DAPK1: variants seen among roughly 807,000 people sequenced by gnomAD.
The protein encoded by DAPK1 is death-associated protein kinase 1.
A neutral mutation model predicts 144.9 loss-of-function variants in DAPK1; 56 were observed. That is an observed-to-expected ratio of 0.39 (90% CI 0.31 to 0.48). DAPK1 has a LOEUF of 0.48. DAPK1 is among the 20% of genes least tolerant of loss of function. The probability of loss-of-function intolerance (pLI) is 0.95; values close to 1 mark genes in which losing one functional copy is unlikely to be tolerated. For synonymous variants in DAPK1, 690 were observed against 749.0 expected, an observed-to-expected ratio of 0.92 and a Z score of 1.29; for missense variants, 1,454 against 1,875.4, an observed-to-expected ratio of 0.78 and a Z score of 4.15.
intron 2 of DAPK1, among the ~76,000 whole-genome samples, chr9:87,526,915 A>G (rs952789143): frequency 6.6e-6 from 1 of 152,140 alleles, no homozygotes; most frequent in Non-Finnish European, 1.5e-5. Flanking sequence ...AACCATCCCC[A>G]TATGCTGTTT....
intron 17 of DAPK1, chr9:87,657,818 A>G: frequency 1.8e-6 from 1 of 569,456 alleles, no homozygotes; most frequent in South Asian, 2.0e-5. Context: ...TTGAAGTTGT[A>G]TTTTGAAGCT....
At chr9:87,617,530 C>G (rs1178963201) in intron 3 of DAPK1, among the ~76,000 whole-genome samples, 1 of 152,206 alleles carries the variant, frequency 6.6e-6, no homozygotes, top group East Asian at 1.9e-4. Context: ...ACTCCCTTCT[C>G]TTCCTTGACT....
intron 4 of DAPK1, 35 bp downstream of exon 4, chr9:87,638,116 T>A (rs746886297): frequency 1.3e-6 from 2 of 1,578,508 alleles, no homozygotes; most frequent in Admixed American, 3.5e-5. Context: ...TAGAAGCTTG[T>A]GCAGATCACA....
chr9:87,693,368 G>T (rs771542959), intron 21 of DAPK1, among the ~76,000 whole-genome samples: 3 of 151,204 alleles, frequency 2.0e-5, no homozygotes, highest in African/African-American at 4.9e-5. Context: ...TATTGTTGCA[G>T]CTTTTGAATA....
intron 2 of DAPK1, among the ~76,000 whole-genome samples, chr9:87,546,184 C>G (rs1451607677): frequency 6.6e-6 from 1 of 152,096 alleles, no homozygotes; most frequent in Non-Finnish European, 1.5e-5. Flanking sequence ...GCTTACAGAT[C>G]TGGGAGATGA....
chr9:87,527,744 T>C lies in DAPK1; in HGVS notation c.62+28605T>C, dbSNP rs539012513. On this transcript the variant is annotated intron_variant, in intron 2 of 25. Coordinates refer to ENST00000408954, the MANE Select transcript of DAPK1 (RefSeq NM_004938.4). The stretch of plus-strand genomic sequence containing the variant: ...ACTGAGCTTCTTTCTGAACTGTTAC[T>C]GGCCGGATTATTGGGACTATTCCCA... Among the ~76,000 whole-genome samples the C allele has an allele frequency of 2.0e-5, 3 of 152,368 alleles. No homozygotes were observed. In the East Asian group the frequency reaches 5.8e-4, roughly 29 times the overall value.
At chr9:87,665,010 T>A (rs986705828) in intron 18 of DAPK1, among the ~76,000 whole-genome samples, 1 of 152,236 alleles carries the variant, frequency 6.6e-6, no homozygotes, top group Non-Finnish European at 1.5e-5. Flanking sequence ...GGTATCCATG[T>A]GATTTGGTCT....
chr9:87,573,626 A>C (rs992089485), intron 2 of DAPK1, among the ~76,000 whole-genome samples: 3 of 152,180 alleles, frequency 2.0e-5, no homozygotes, highest in Admixed American at 2.0e-4. Context: ...AGACTTCTGG[A>C]AGAAGAAAGT....
intron 2 of DAPK1, among the ~76,000 whole-genome samples, chr9:87,602,493 C>A (rs1828558591): frequency 6.6e-6 from 1 of 152,206 alleles, no homozygotes; most frequent in Non-Finnish European, 1.5e-5. Context: ...CCTTTACTTA[C>A]CATCTTCCCA....
chr9:87,563,635 A>T (rs1184244280), intron 2 of DAPK1, among the ~76,000 whole-genome samples: 2 of 152,202 alleles, frequency 1.3e-5, no homozygotes, highest in Admixed American at 6.5e-5. Flanking sequence ...CTGGAGGATA[A>T]GAGGCCATGT....
At chr9:87,508,571 T>G (rs1008804827) in intron 2 of DAPK1, among the ~76,000 whole-genome samples, 3 of 151,956 alleles carry the variant, frequency 2.0e-5, no homozygotes, top group Admixed American at 6.6e-5. Context: ...CTCTATCTCC[T>G]GACCTCGTGA....
chr9:87,539,138 A>G (rs924194502), intron 2 of DAPK1, among the ~76,000 whole-genome samples: 9 of 151,670 alleles, frequency 5.9e-5, no homozygotes, highest in Non-Finnish European at 2.9e-5. Flanking sequence ...TATGGATGCT[A>G]CATATATCTT....
intron 15 of DAPK1, among the ~76,000 whole-genome samples, chr9:87,649,567 A>G (rs143569160): frequency 7.2e-5 from 11 of 152,326 alleles, no homozygotes; most frequent in Middle Eastern, 6.8e-3. Flanking sequence ...AGATGCTGCA[A>G]TGCACCTGCA....
At chr9:87,662,564 T>TTTG (rs1554700242) in intron 18 of DAPK1, among the ~76,000 whole-genome samples, 2 of 116,230 alleles carry the variant, frequency 1.7e-5, no homozygotes, top group African/African-American at 6.4e-5. Context: ...TTCCTAGTTT[T>TTTG]TTTTTTTTTT....
intron 21 of DAPK1, among the ~76,000 whole-genome samples, chr9:87,687,595 T>TAA (rs1005473836): frequency 6.6e-6 from 1 of 152,218 alleles, no homozygotes; most frequent in Non-Finnish European, 1.5e-5. Context: ...AGTGCTGAAG[T>TAA]AAACATGGGC....
chr9:87,561,661 G>T (rs1484108900), intron 2 of DAPK1, among the ~76,000 whole-genome samples: 2 of 152,312 alleles, frequency 1.3e-5, no homozygotes, highest in East Asian at 1.9e-4. Flanking sequence ...TGCCCTGGGG[G>T]ATTCCCCTGC....
At chr9:87,652,342 C>T (rs1450904434) in intron 17 of DAPK1, among the ~76,000 whole-genome samples, 5 of 115,084 alleles carry the variant, frequency 4.3e-5, no homozygotes, top group East Asian at 3.3e-4. Context: ...CACCTGATCC[C>T]GGGTCCTGAT....
chr9:87,665,584 T>G (rs920158656), intron 18 of DAPK1, among the ~76,000 whole-genome samples: 2 of 152,250 alleles, frequency 1.3e-5, no homozygotes, highest in African/African-American at 2.4e-5. Flanking sequence ...CGAAGCATAT[T>G]ACACGTGTCA....
rs547541430 is a variant in DAPK1 at position 87,609,937 on chromosome 9, C to T, written c.284+4762C>T. ...ACCTTATATATGTGAGTTCTGTCCT[C>T]CAGACTCCATGCCCATCCTTCCCAC... On this transcript the variant is annotated intron_variant, in intron 3 of 25. Transcript: ENST00000408954. Among the ~76,000 whole-genome samples, 4 of 152,298 alleles carry T rather than the reference C, an allele frequency of 2.6e-5. No homozygotes were observed. The East Asian group carries it at 7.7e-4, about 29-fold the overall frequency.
Sources: allele counts gnomAD v4.1 joint callset (sites outside exome capture counted in the v4.1 genomes callset), GRCh38; gene constraint gnomAD v4.1.1; transcripts MANE v1.5; gene names NCBI Gene and HGNC (gene_info 2026-07-23, HGNC 2026-07-21).